The following GC variants were observed in gnomAD, a reference collection of about 807,000 sequenced individuals.
The protein encoded by GC is vitamin D-binding protein.
GC carries 43 observed loss-of-function variants against 56.7 expected under a neutral mutation model. That is an observed-to-expected ratio of 0.76 (90% CI 0.59 to 0.98). The LOEUF is 0.98. Among genes scored for constraint, GC ranks in the 50% least tolerant of loss-of-function variants. The pLI is 0.00. For missense variants in GC, 529 were observed against 545.9 expected (o/e 0.97, Z 0.31); for synonymous variants, 216 against 202.7 (o/e 1.07, Z -0.56).
chr4:71,748,342 G>A (rs533872020), intron 11 of GC, among the ~76,000 whole-genome samples: 2 of 152,136 alleles, frequency 1.3e-5, no homozygotes, highest in South Asian at 4.1e-4. Flanking sequence ...GTGGTGGGGG[G>A]TAGACAGTAT....
intron 1 of GC, among the ~76,000 whole-genome samples, chr4:71,791,363 T>C (rs560061270): frequency 6.6e-6 from 1 of 152,214 alleles, no homozygotes; most frequent in South Asian, 2.1e-4. Flanking sequence ...CTGTGGGTAG[T>C]ATTTTTTTTC....
chr4:71,745,103 A>T (rs1387856196), intron 12 of GC, among the ~76,000 whole-genome samples: 1 of 152,194 alleles, frequency 6.6e-6, no homozygotes, highest in Non-Finnish European at 1.5e-5. Flanking sequence ...CTTTTTAAAT[A>T]TTTGATATAC....
intron 5 of GC, 61 bp from the exon 6 acceptor site, chr4:71,763,563 G>T: frequency 1.1e-6 from 1 of 941,144 alleles, no homozygotes; most frequent in South Asian, 1.5e-5. Context: ...CTGTATAAAT[G>T]GCAAAAATAG....
At chr4:71,743,068 G>A (rs892814606) in intron 12 of GC, among the ~76,000 whole-genome samples, 1 of 152,138 alleles carries the variant, frequency 6.6e-6, no homozygotes, top group Non-Finnish European at 1.5e-5. Context: ...AAGGCTTGAA[G>A]AAAAAGATTG....
At chr4:71,804,397 C>A (rs1743316789), upstream of GC, among the ~76,000 whole-genome samples, 1 of 152,180 alleles carries the variant, frequency 6.6e-6, no homozygotes, top group South Asian at 2.1e-4. Flanking sequence ...CTAATGGGCC[C>A]TGTTCCCAAA....
chr4:71,765,500 G>T lies in GC; in HGVS notation c.405C>A (p.Thr135=), dbSNP rs573162532. 1.9e-6 allele frequency: 3 copies of T among 1,613,934 alleles called. No homozygotes were observed. In the East Asian group the frequency reaches 6.7e-5, roughly 36 times the overall value. ...ALKHQPQEFP[T]YVEPTNDEIC... is the part of the protein sequence containing the mutation. The stretch of plus-strand genomic sequence containing the variant: ...TTTCATCATTTGTGGGTTCCACGTA[G>T]GTAGGGAATTCCTGTGGCTGGTGTT... Residue 135 remains threonine, a synonymous_variant, in exon 4 of 13, where the codon ACC becomes ACA. Coordinates refer to ENST00000273951, the MANE Select transcript of GC (RefSeq NM_000583.4).
intron 6 of GC, 33 bp from the exon 7 acceptor site, chr4:71,758,204 C>A (rs1463156072): frequency 6.3e-7 from 1 of 1,588,414 alleles, no homozygotes; most frequent in East Asian, 2.2e-5. Flanking sequence ...GTTAGCTTAT[C>A]AACATTCTCA....
chr4:71,804,029 T>C, exon 1 of GC: 1 of 865,506 alleles, frequency 1.2e-6, no homozygotes, highest in East Asian at 2.6e-5. Flanking sequence ...AGCAATCTCT[T>C]TGAAAAAACA....
Position 71,755,051 on chromosome 4 carries a change from A to G in GC, c.1091T>C (p.Val364Ala). The G allele has an allele frequency of 1.9e-6, 3 of 1,596,528 alleles. No individual in the cohort carries two copies. Among genetic ancestry groups the G allele is most frequent in the Non-Finnish European group, 2.6e-6 (3 of 1,168,576 alleles). ...AAGGCTTTTTAGGGTTGGCTCAAGT[A>G]CCTTACTGAGGAATACTTCCGGAAG... ...THLPEVFLSK[V>A]LEPTLKSLGE... is the part of the protein sequence containing the mutation. Residue 364 changes from valine to alanine, a missense_variant, in exon 9 of 13, where the codon GTA becomes GCA. Coordinates refer to ENST00000273951, the MANE Select transcript of GC (RefSeq NM_000583.4).
At chr4:71,775,634 A>G (rs1250405434) in intron 1 of GC, among the ~76,000 whole-genome samples, 1 of 151,994 alleles carries the variant, frequency 6.6e-6, no homozygotes, top group Non-Finnish European at 1.5e-5. Context: ...ACAGGCAACA[A>G]AAGCAAAAAA....
chr4:71,776,120 C>G (rs773192418), intron 1 of GC, among the ~76,000 whole-genome samples: 12 of 151,826 alleles, frequency 7.9e-5, no homozygotes, highest in Non-Finnish European at 1.3e-4. Context: ...AAAAATAGAA[C>G]TACCATATGA....
intron 11 of GC, 79 bp from the exon 12 acceptor site, chr4:71,746,284 A>G (rs761804967): frequency 6.0e-6 from 4 of 663,144 alleles, no homozygotes; most frequent in African/African-American, 1.9e-5. Context: ...AAGGTATACA[A>G]AATCTTGAAA....
At chr4:71,775,261 T>A (rs143386993) in intron 1 of GC, among the ~76,000 whole-genome samples, 2 of 152,006 alleles carry the variant, frequency 1.3e-5, no homozygotes, top group East Asian at 3.9e-4. Flanking sequence ...AGGGCAAAGA[T>A]CATGTCTAAA....
At chr4:71,802,783 T>C (rs1743281857) in intron 1 of GC, among the ~76,000 whole-genome samples, 1 of 152,208 alleles carries the variant, frequency 6.6e-6, no homozygotes, top group Non-Finnish European at 1.5e-5. Flanking sequence ...GAAATATAGA[T>C]GCTTTTCAAC....
chr4:71,753,650 A>G (rs1258856977), intron 10 of GC, among the ~76,000 whole-genome samples: 1 of 152,168 alleles, frequency 6.6e-6, no homozygotes, highest in African/African-American at 2.4e-5. Flanking sequence ...CTATTTATAG[A>G]GAAATGCTTT....
At chr4:71,790,683 G>T in intron 1 of GC, among the ~76,000 whole-genome samples, 1 of 150,270 alleles carries the variant, frequency 6.7e-6, no homozygotes, top group African/African-American at 2.4e-5. Flanking sequence ...TTTCTCTAGG[G>T]CTAATAATAT....
At chr4:71,776,309 T>A (rs1742505948) in intron 1 of GC, among the ~76,000 whole-genome samples, 1 of 151,924 alleles carries the variant, frequency 6.6e-6, no homozygotes, top group African/African-American at 2.4e-5. Flanking sequence ...CACAGTTGAA[T>A]ACTATTCAGC....
At chr4:71,756,630 C>G (rs544351882) in intron 8 of GC, 82 bp downstream of exon 8, 1 of 837,780 alleles carries the variant, frequency 1.2e-6, no homozygotes, top group Non-Finnish European at 2.0e-6. Flanking sequence ...TGATAGCATA[C>G]CTTCCCTCCA....
intron 1 of GC, among the ~76,000 whole-genome samples, chr4:71,795,999 G>T (rs1743092861): frequency 6.6e-6 from 1 of 152,194 alleles, no homozygotes; most frequent in African/African-American, 2.4e-5. Context: ...CTCTTTTCTG[G>T]CTTGTAGAGT....
Sources: allele counts gnomAD v4.1 joint callset (sites outside exome capture counted in the v4.1 genomes callset), GRCh38; gene constraint gnomAD v4.1.1; transcripts MANE v1.5; gene names NCBI Gene and HGNC (gene_info 2026-07-23, HGNC 2026-07-21).